Variants in CFAP299 observed in about 807,000 individuals in gnomAD.
CFAP299 encodes cilia- and flagella-associated protein 299.
Under a neutral mutation model 27.0 loss-of-function variants are expected in CFAP299, and 21 were observed. The observed-to-expected ratio is 0.78, with a 90% CI of 0.55 to 1.12. The LOEUF is 1.12. Among genes scored for constraint, CFAP299 ranks in the 50% most tolerant of loss-of-function variants. The pLI, the probability that CFAP299 is intolerant of heterozygous loss-of-function variation, is 0.00. For synonymous variants in CFAP299, 104 were observed against 98.1 expected (o/e 1.06, Z -0.36); for missense variants, 310 against 276.6 (o/e 1.12, Z -0.86).
At chr4:80,397,719 C>G (rs1022091856) in intron 2 of CFAP299, among the ~76,000 whole-genome samples, 5 of 152,154 alleles carry the variant, frequency 3.3e-5, no homozygotes, top group African/African-American at 1.2e-4. Context: ...GACAAACCCA[C>G]AGCCAGTATC....
chr4:80,321,618 C>A, the CFAP299 span, among the ~76,000 whole-genome samples: 3 of 152,052 alleles, frequency 2.0e-5, no homozygotes, highest in South Asian at 2.1e-4. Context: ...AAAGACTTGG[C>A]GAAGGTCATG....
At chr4:80,697,602 G>A (rs1721189072) in intron 3 of CFAP299, among the ~76,000 whole-genome samples, 1 of 152,204 alleles carries the variant, frequency 6.6e-6, no homozygotes, top group Admixed American at 6.5e-5. Flanking sequence ...AGCCTTAGCA[G>A]GTGATGGTAG....
intron 2 of CFAP299, among the ~76,000 whole-genome samples, chr4:80,399,464 G>A (rs572581197): frequency 6.6e-6 from 1 of 152,220 alleles, no homozygotes; most frequent in South Asian, 2.1e-4. Flanking sequence ...ATGATAGACT[G>A]GATTAAGAAA....
intron 2 of CFAP299, among the ~76,000 whole-genome samples, chr4:80,433,417 T>C (rs1054442079): frequency 2.0e-5 from 3 of 152,256 alleles, no homozygotes; most frequent in Middle Eastern, 3.4e-3. Flanking sequence ...AGAGAAACAT[T>C]TGTGGGAAAA....
At chr4:80,575,978 C>A (rs1578622051) in intron 2 of CFAP299, among the ~76,000 whole-genome samples, 1 of 151,286 alleles carries the variant, frequency 6.6e-6, no homozygotes, top group South Asian at 2.1e-4. Context: ...TAGGTGGGAA[C>A]TGAACAATGG....
intron 4 of CFAP299, among the ~76,000 whole-genome samples, chr4:80,878,569 T>G (rs968543807): frequency 6.6e-6 from 1 of 152,112 alleles, no homozygotes; most frequent in African/African-American, 2.4e-5. Flanking sequence ...ATTTAATACC[T>G]AAACTAGTAT....
At chr4:80,620,337 A>T (rs906991304) in intron 3 of CFAP299, among the ~76,000 whole-genome samples, 4 of 152,150 alleles carry the variant, frequency 2.6e-5, no homozygotes, top group Admixed American at 6.6e-5. Flanking sequence ...GTAGCAAATC[A>T]GTGAGTGAAT....
At chr4:80,578,706 G>T (rs1309199526) in intron 2 of CFAP299, among the ~76,000 whole-genome samples, 7 of 152,114 alleles carry the variant, frequency 4.6e-5, no homozygotes, top group Non-Finnish European at 7.4e-5. Flanking sequence ...ATTTAGCACA[G>T]CATGAAATCA....
chr4:80,717,141 T>C (rs1372002725), intron 3 of CFAP299, among the ~76,000 whole-genome samples: 2 of 152,052 alleles, frequency 1.3e-5, no homozygotes, highest in East Asian at 3.9e-4. Context: ...TTTCAATATG[T>C]CAGGAAGAAA....
At chr4:80,646,984 AGAGAGTGT>A (rs1346540974) in intron 3 of CFAP299, among the ~76,000 whole-genome samples, 4,200 of 144,932 alleles carry the variant, frequency 0.029, 208 homozygotes, top group African/African-American at 0.1. Context: ...AGAGAGAGAG[AGAGAGTGT>A]GTGTGTGTGT....
intron 4 of CFAP299, among the ~76,000 whole-genome samples, chr4:80,938,238 G>A (rs1309785586): frequency 2.0e-5 from 3 of 152,142 alleles, no homozygotes; most frequent in African/African-American, 4.8e-5. Flanking sequence ...GCCCCAAAAC[G>A]GGCCGTAAAC....
intron 3 of CFAP299, among the ~76,000 whole-genome samples, chr4:80,735,581 A>G (rs1388730620): frequency 4.6e-5 from 7 of 152,134 alleles, no homozygotes; most frequent in African/African-American, 1.7e-4. Flanking sequence ...TCTATCATAT[A>G]TGGCTTTTAT....
intron 5 of CFAP299, among the ~76,000 whole-genome samples, chr4:80,947,458 CT>C (rs1308836529): frequency 3.9e-5 from 6 of 152,144 alleles, no homozygotes; most frequent in African/African-American, 1.4e-4. Context: ...ATTCACTCAA[CT>C]TCCCTGGGTT....
intron 3 of CFAP299, among the ~76,000 whole-genome samples, chr4:80,705,029 A>G (rs1721741964): frequency 6.6e-6 from 1 of 151,802 alleles, no homozygotes; most frequent in Middle Eastern, 3.2e-3. Context: ...GCTGATAACA[A>G]TAAAGTCAGG....
intron 3 of CFAP299, among the ~76,000 whole-genome samples, chr4:80,758,664 T>A (rs1048985271): frequency 6.6e-6 from 1 of 152,150 alleles, no homozygotes; most frequent in Admixed American, 6.5e-5. Flanking sequence ...CCATAGAGGA[T>A]AATAAGGAAT....
chr4:80,405,857 G>T (rs1255696956), intron 2 of CFAP299, among the ~76,000 whole-genome samples: 1 of 151,998 alleles, frequency 6.6e-6, no homozygotes, highest in Non-Finnish European at 1.5e-5. Flanking sequence ...CTTCATTTCA[G>T]AGTCCCTTTT....
At position 80,869,949 on chromosome 4, in the gene CFAP299, A is replaced by G. The variant is rs760874993; in HGVS notation, c.334-44A>G. The G allele has an allele frequency of 1.9e-6, 3 of 1,547,956 alleles. No homozygotes were observed. The South Asian group carries it at 3.6e-5, about 19-fold the overall frequency. ...ATCCTATGGCATTCCATAATAAATC[A>G]GCTCTTTTATATTTTTGTCTTATTC... On this transcript the variant is annotated intron_variant, in intron 3 of 5. Transcript: ENST00000358105.
intron 3 of CFAP299, among the ~76,000 whole-genome samples, chr4:80,761,846 C>A (rs1725555809): frequency 1.3e-5 from 2 of 151,696 alleles, no homozygotes; most frequent in Non-Finnish European, 2.9e-5. Context: ...AACTTGTTAT[C>A]CTAAGAAAAT....
At chr4:80,489,673 G>A (rs1350467007) in intron 2 of CFAP299, among the ~76,000 whole-genome samples, 1 of 152,154 alleles carries the variant, frequency 6.6e-6, no homozygotes, top group Non-Finnish European at 1.5e-5. Context: ...CTACCTAACA[G>A]TGATAGGTTA....
Sources: gnomAD v4.1 joint callset for allele counts (sites outside exome capture counted in the v4.1 genomes callset) on GRCh38, gnomAD v4.1.1 for gene constraint, MANE v1.5 for transcripts, NCBI Gene and HGNC (gene_info 2026-07-23, HGNC 2026-07-21) for gene names.